Variants in GALNTL6 observed in about 807,000 individuals in gnomAD.
The protein encoded by GALNTL6 is polypeptide N-acetylgalactosaminyltransferase like 6.
Under a neutral mutation model 73.7 loss-of-function variants are expected in GALNTL6, and 46 were observed. The ratio of observed to expected loss-of-function variants is 0.62; its 90% CI spans 0.49 to 0.80. The LOEUF (loss-of-function observed/expected upper bound fraction) is 0.80, where lower values mean the gene tolerates loss of function less well. Ranked by LOEUF, GALNTL6 falls within the 30% of genes least tolerant of loss-of-function variation. The pLI, the probability that GALNTL6 is intolerant of heterozygous loss-of-function variation, is 0.00. For missense variants in GALNTL6, 604 were observed against 755.0 expected, an observed-to-expected ratio of 0.80 and a Z score of 2.34; for synonymous variants, 259 against 263.7, an observed-to-expected ratio of 0.98 and a Z score of 0.17.
intron 5 of GALNTL6, among the ~76,000 whole-genome samples, chr4:172,438,361 C>A (rs1470999188): frequency 6.6e-6 from 1 of 151,940 alleles, no homozygotes; most frequent in Admixed American, 6.6e-5. Flanking sequence ...TATCCAGCTC[C>A]TACTTCTCAG....
intron 10 of GALNTL6, among the ~76,000 whole-genome samples, chr4:172,960,154 C>T (rs1749966732): frequency 6.6e-6 from 1 of 152,178 alleles, no homozygotes; most frequent in Non-Finnish European, 1.5e-5. Context: ...GGGTCTAGGG[C>T]TGTAAAGCGT....
chr4:172,133,312 C>T (rs1412911010), intron 2 of GALNTL6, among the ~76,000 whole-genome samples: 1 of 152,144 alleles, frequency 6.6e-6, no homozygotes, highest in Non-Finnish European at 1.5e-5. Flanking sequence ...GTTCTGCGTA[C>T]ATTAGTATAA....
chr4:172,630,873 C>T (rs1739367473), intron 5 of GALNTL6, among the ~76,000 whole-genome samples: 1 of 149,936 alleles, frequency 6.7e-6, no homozygotes, highest in East Asian at 2.0e-4. Context: ...ATATATACTG[C>T]ATAGAAAATA....
At chr4:172,558,734 C>T (rs1324778995) in intron 5 of GALNTL6, among the ~76,000 whole-genome samples, 1 of 151,988 alleles carries the variant, frequency 6.6e-6, no homozygotes, top group East Asian at 1.9e-4. Context: ...GCTCCATATA[C>T]AAGATTGGTT....
intron 2 of GALNTL6, among the ~76,000 whole-genome samples, chr4:171,958,170 A>G (rs1331002342): frequency 6.6e-6 from 1 of 152,144 alleles, no homozygotes; most frequent in Non-Finnish European, 1.5e-5. Flanking sequence ...ATTATTGGTA[A>G]TAATTGAACT....
intron 5 of GALNTL6, among the ~76,000 whole-genome samples, chr4:172,572,807 T>A (rs973493892): frequency 1.3e-5 from 2 of 152,182 alleles, no homozygotes; most frequent in Non-Finnish European, 2.9e-5. Flanking sequence ...TTTAATTATA[T>A]TATCAACAAC....
chr4:172,912,595 G>A (rs545069495), intron 8 of GALNTL6, among the ~76,000 whole-genome samples: 20 of 152,256 alleles, frequency 1.3e-4, no homozygotes, highest in South Asian at 6.2e-4. Context: ...CAGGTCCCAC[G>A]CCCACAGAGC....
intron 5 of GALNTL6, among the ~76,000 whole-genome samples, chr4:172,648,713 A>G (rs190774260): frequency 1.3e-5 from 2 of 152,212 alleles, no homozygotes; most frequent in East Asian, 3.9e-4. Flanking sequence ...CTTACACAAA[A>G]CACACAAAAT....
intron 5 of GALNTL6, among the ~76,000 whole-genome samples, chr4:172,656,927 TA>T (rs1220069002): frequency 8.3e-6 from 1 of 120,216 alleles, no homozygotes; most frequent in African/African-American, 2.5e-5. Flanking sequence ...AGAAGGACAT[TA>T]TTTTTTTTTT....
chr4:172,263,960 A>C (rs1738344776), intron 3 of GALNTL6, among the ~76,000 whole-genome samples: 1 of 151,596 alleles, frequency 6.6e-6, no homozygotes, highest in South Asian at 2.1e-4. Flanking sequence ...GTATATTAAA[A>C]TATATATGTC....
chr4:172,343,971 C>T (rs914876590), intron 4 of GALNTL6, among the ~76,000 whole-genome samples: 1 of 152,028 alleles, frequency 6.6e-6, no homozygotes, highest in East Asian at 1.9e-4. Context: ...TCCTAAACTG[C>T]AAGGTAATTT....
At chr4:172,480,687 A>T (rs1166669063) in intron 5 of GALNTL6, among the ~76,000 whole-genome samples, 1 of 152,198 alleles carries the variant, frequency 6.6e-6, no homozygotes, top group Admixed American at 6.5e-5. Flanking sequence ...TTTCTTGGTC[A>T]GCTAAACAGT....
In GALNTL6 at chr4:172,108,289, G is replaced by A. The variant is rs142167801; in HGVS notation, c.139-121367G>A. 4.0e-3 allele frequency among the ~76,000 whole-genome samples: 606 copies of A among 152,240 alleles called. 4 individuals carry two copies. The highest frequency in any genetic ancestry group is 7.1e-3 in the Non-Finnish European group (484 of 68,002). On this transcript the variant is annotated intron_variant, in intron 2 of 12. Coordinates refer to ENST00000506823, the MANE Select transcript of GALNTL6 (RefSeq NM_001034845.3). ...GAATAAGAAAGAGAAGAAAAGTCTTGCACTAGGTAGGGTTCTCTCTATAAT... is the reference window on the plus strand; with the variant it reads ...GAATAAGAAAGAGAAGAAAAGTCTTACACTAGGTAGGGTTCTCTCTATAAT...
chr4:172,982,363 T>C (rs187639700), intron 10 of GALNTL6, among the ~76,000 whole-genome samples: 2 of 152,318 alleles, frequency 1.3e-5, no homozygotes, highest in Admixed American at 6.5e-5. Context: ...AGGGAGGAAC[T>C]GTGCCCTTAA....
In GALNTL6 at chr4:172,173,965, A is replaced by G. The variant is rs949638124; in HGVS notation, c.139-55691A>G. On this transcript the variant is annotated intron_variant, in intron 2 of 12. Transcript: ENST00000506823. Reference sequence around the variant, plus strand: ...GTGGAGAGGAGGTGAAAAGATAGTCAGGGACTTGTATTTGGATTTTATTTC... The same window carrying G: ...GTGGAGAGGAGGTGAAAAGATAGTCGGGGACTTGTATTTGGATTTTATTTC... 5.6e-5 allele frequency among the ~76,000 whole-genome samples: 8 copies of G among 143,960 alleles called. No homozygotes were observed. The East Asian group carries it at 1.3e-3, about 24-fold the overall frequency. 94.4% of individuals were successfully genotyped at this position (143,960 alleles called of 152,430 possible). A position where few individuals can be genotyped will look rare whatever the true frequency, so the allele number is the denominator to read the frequency against.
At chr4:172,937,299 A>G (rs1331715354) in intron 9 of GALNTL6, among the ~76,000 whole-genome samples, 1 of 152,202 alleles carries the variant, frequency 6.6e-6, no homozygotes, top group African/African-American at 2.4e-5. Flanking sequence ...AAAAAAAAAA[A>G]TCATAAAATA....
At chr4:172,708,898 G>C (rs556204360) in intron 5 of GALNTL6, among the ~76,000 whole-genome samples, 1 of 152,180 alleles carries the variant, frequency 6.6e-6, no homozygotes, top group South Asian at 2.1e-4. Context: ...TTTGTTATTT[G>C]AGATGCCTTA....
chr4:172,271,494 A>G (rs7671855), intron 3 of GALNTL6, among the ~76,000 whole-genome samples: 4,155 of 152,192 alleles, frequency 0.027, 173 homozygotes, highest in African/African-American at 0.093. Context: ...TATATATACA[A>G]ACATACATGT....
At position 172,604,534 on chromosome 4, in the gene GALNTL6, G is replaced by A. The variant is rs538652325; in HGVS notation, c.554-204827G>A. Among the ~76,000 whole-genome samples the A allele has an allele frequency of 3.3e-5, 5 of 152,224 alleles. No homozygotes were observed. In the East Asian group the frequency reaches 7.7e-4, roughly 23 times the overall value. ...AAAATTATGTTCTGTATAAAATGGCGATCTCAAAGTCTTTGAAACTTGAAA... is the reference window on the plus strand; with the variant it reads ...AAAATTATGTTCTGTATAAAATGGCAATCTCAAAGTCTTTGAAACTTGAAA... On this transcript the variant is annotated intron_variant, in intron 5 of 12. Coordinates refer to ENST00000506823, the MANE Select transcript of GALNTL6 (RefSeq NM_001034845.3).
Sources: gnomAD v4.1 joint callset for allele counts (sites outside exome capture counted in the v4.1 genomes callset) on GRCh38, gnomAD v4.1.1 for gene constraint, MANE v1.5 for transcripts, NCBI Gene and HGNC (gene_info 2026-07-23, HGNC 2026-07-21) for gene names.